ITPR2: variants seen among roughly 807,000 people sequenced by gnomAD.
ITPR2 encodes inositol 1,4,5-trisphosphate receptor type 2.
Under a neutral mutation model 317.1 loss-of-function variants are expected in ITPR2, and 207 were observed. That is an observed-to-expected ratio of 0.65 (90% CI 0.58 to 0.73). The LOEUF (loss-of-function observed/expected upper bound fraction) is 0.73, where lower values mean the gene tolerates loss of function less well. Ranked by LOEUF, ITPR2 falls within the 30% of genes least tolerant of loss-of-function variation. The pLI is 0.00. For missense variants in ITPR2, 2,613 were observed against 3,284.0 expected (o/e 0.80, Z 4.99); for synonymous variants, 1,156 against 1,149.1 (o/e 1.01, Z -0.12).
Position 26,587,283 on chromosome 12 carries a change from AT to A in ITPR2, c.4381-7129del, listed in dbSNP as rs1945552908. Among the ~76,000 whole-genome samples, 4 of 2,224 alleles carry A rather than the reference AT, an allele frequency of 1.8e-3. No homozygotes were observed. The Non-Finnish European group carries it at 0.18, about 101-fold the overall frequency. 1.5% of individuals were successfully genotyped at this position (2,224 alleles called of 152,430 possible). A position where few individuals can be genotyped will look rare whatever the true frequency, so the allele number is the denominator to read the frequency against. On this transcript the variant is annotated intron_variant, in intron 32 of 56. Coordinates refer to ENST00000381340, the MANE Select transcript of ITPR2 (RefSeq NM_002223.4). ...TGTTCCTACTGAAATACAAATAAAT[AT>A]ATATATATATATATATGTAAATGTC... is the stretch of plus-strand genomic sequence containing the variant.
intron 2 of ITPR2, among the ~76,000 whole-genome samples, chr12:26,784,549 G>T (rs1950174565): frequency 6.6e-6 from 1 of 151,274 alleles, no homozygotes; most frequent in East Asian, 2.0e-4. Flanking sequence ...TTGCTGTGTT[G>T]GCCGGGCTGG....
intron 43 of ITPR2, among the ~76,000 whole-genome samples, chr12:26,479,144 G>A (rs375759504): frequency 5.0e-4 from 71 of 140,786 alleles, no homozygotes; most frequent in African/African-American, 6.0e-4. Flanking sequence ...CATTCACTAA[G>A]AAAAAAAAAA....
intron 41 of ITPR2, among the ~76,000 whole-genome samples, chr12:26,485,393 A>G (rs932493107): frequency 1.3e-5 from 2 of 152,216 alleles, no homozygotes; most frequent in Non-Finnish European, 2.9e-5. Flanking sequence ...CACCCTATAC[A>G]TCTATTTCCT....
At chr12:26,413,196 A>G (rs1363920915) in intron 51 of ITPR2, among the ~76,000 whole-genome samples, 1 of 152,218 alleles carries the variant, frequency 6.6e-6, no homozygotes, top group Non-Finnish European at 1.5e-5. Context: ...TACTTCATCT[A>G]TCAACCCAGA....
rs1555183863 is a variant in ITPR2 at position 26,733,325 on chromosome 12, AAAAAG to A, written c.164-7565_164-7561del. 1.1e-3 allele frequency among the ~76,000 whole-genome samples: 115 copies of A among 108,554 alleles called. 2 individuals carry two copies. The highest frequency in any genetic ancestry group is 4.2e-3 in the Middle Eastern group (1 of 238). 71.2% of individuals were successfully genotyped at this position (108,554 alleles called of 152,430 possible). A position where few individuals can be genotyped will look rare whatever the true frequency, so the allele number is the denominator to read the frequency against. ...CAAGACTCCATCTCAAAAAAAAAAA[AAAAAG>A]AAAAGAAAAGAAAAGAAAAAAGAAA... is the stretch of plus-strand genomic sequence containing the variant. On this transcript the variant is annotated intron_variant, in intron 2 of 56. Coordinates refer to ENST00000381340, the MANE Select transcript of ITPR2 (RefSeq NM_002223.4).
chr12:26,654,144 A>AAG lies in ITPR2; in HGVS notation c.2590-19_2590-18insCT. On this transcript the variant is annotated intron_variant, in intron 20 of 56. Transcript: ENST00000381340. Reference sequence around the variant, plus strand: ...TGGACCACCTTAATAAAAAAAAAAAAGCGGGGAGGGGGAGGGTGAAAGAGT... The same window carrying AAG: ...TGGACCACCTTAATAAAAAAAAAAAAAGGCGGGGAGGGGGAGGGTGAAAGAGT... The AAG allele has an allele frequency of 8.3e-7, 1 of 1,204,824 alleles. No homozygotes were observed. The highest frequency in any genetic ancestry group is 1.1e-6 in the Non-Finnish European group (1 of 887,054). The allele number at this position is 1,204,824 out of a possible 1,614,324, so 74.6% of individuals were successfully genotyped here. A position where few individuals can be genotyped will look rare whatever the true frequency, so the allele number is the denominator to read the frequency against.
chr12:26,638,737 T>C (rs1946915751), intron 21 of ITPR2, among the ~76,000 whole-genome samples: 2 of 152,102 alleles, frequency 1.3e-5, no homozygotes, highest in Admixed American at 6.5e-5. Context: ...AAAGATAACA[T>C]GAAACAAGGG....
chr12:26,385,928 C>G (rs545568136), intron 55 of ITPR2, among the ~76,000 whole-genome samples: 73 of 152,154 alleles, frequency 4.8e-4, no homozygotes, highest in African/African-American at 1.7e-3. Context: ...GTTATTCCCC[C>G]CTTCCTCTTA....
chr12:26,366,893 C>T (rs185688748), intron 55 of ITPR2, among the ~76,000 whole-genome samples: 18 of 152,236 alleles, frequency 1.2e-4, no homozygotes, highest in Non-Finnish European at 2.4e-4. Flanking sequence ...GAGCTGATTA[C>T]TTGGTCCTAC....
chr12:26,348,779 G>A (rs1406695504), intron 55 of ITPR2, among the ~76,000 whole-genome samples: 1 of 146,966 alleles, frequency 6.8e-6, no homozygotes. Flanking sequence ...CTTGAGCCTG[G>A]GAGTTTGAGA....
intron 45 of ITPR2, among the ~76,000 whole-genome samples, chr12:26,473,785 T>A (rs1389208796): frequency 6.6e-6 from 1 of 152,180 alleles, no homozygotes. Context: ...TCACTTTGTG[T>A]CACATGGCTT....
At chr12:26,476,403 C>T (rs1187404436) in intron 44 of ITPR2, among the ~76,000 whole-genome samples, 2 of 152,178 alleles carry the variant, frequency 1.3e-5, no homozygotes, top group African/African-American at 2.4e-5. Context: ...ATAACTTCTA[C>T]AATAGGAAGA....
intron 4 of ITPR2, among the ~76,000 whole-genome samples, chr12:26,722,784 G>GA (rs557824126): frequency 9.9e-4 from 148 of 149,278 alleles, no homozygotes; most frequent in South Asian, 4.5e-3. Flanking sequence ...GCATAATAGG[G>GA]AAAAAAAAAC....
At chr12:26,829,942 C>G (rs771324587) in intron 1 of ITPR2, among the ~76,000 whole-genome samples, 2 of 152,160 alleles carry the variant, frequency 1.3e-5, no homozygotes, top group Non-Finnish European at 2.9e-5. Flanking sequence ...CTCGCTCTGT[C>G]CCCCAGGCTG....
intron 39 of ITPR2, among the ~76,000 whole-genome samples, chr12:26,489,103 C>A (rs1190841940): frequency 6.6e-6 from 1 of 152,090 alleles, no homozygotes; most frequent in Non-Finnish European, 1.5e-5. Flanking sequence ...CAATGCTGAA[C>A]AACACGATTT....
intron 33 of ITPR2, 135 bp from the exon 34 acceptor site, chr12:26,578,968 AAT>A: frequency 1.3e-6 from 1 of 797,388 alleles, no homozygotes; most frequent in South Asian, 2.6e-5. Flanking sequence ...CTAGTTAATA[AAT>A]ATCTCATTCA....
At chr12:26,589,853 T>TATACAC (rs780511857) in intron 32 of ITPR2, among the ~76,000 whole-genome samples, 895 of 57,332 alleles carry the variant, frequency 0.016, 30 homozygotes, top group East Asian at 0.059. Flanking sequence ...TATATATATA[T>TATACAC]ACACACACAC....
chr12:26,590,635 G>C (rs1945674646), intron 32 of ITPR2, among the ~76,000 whole-genome samples: 1 of 152,134 alleles, frequency 6.6e-6, no homozygotes, highest in African/African-American at 2.4e-5. Flanking sequence ...ATGGATTAAA[G>C]ACTTAAATCT....
rs1052026737 is a variant in ITPR2 at position 26,831,213 on chromosome 12, G to A, written c.92+1477C>T. Reference sequence around the variant, plus strand: ...CATGATTCACAAACCCAGCAGAAGCGCTTGGCACTAACGTGTTTTTCCTAC... The same window carrying A: ...CATGATTCACAAACCCAGCAGAAGCACTTGGCACTAACGTGTTTTTCCTAC... On this transcript the variant is annotated intron_variant, in intron 1 of 56. Coordinates refer to ENST00000381340, the MANE Select transcript of ITPR2 (RefSeq NM_002223.4). The surrounding 1 kb of genome is among the most constrained non-coding windows in gnomAD (Gnocchi z 4.9). Among the ~76,000 whole-genome samples the A allele has an allele frequency of 2.6e-5, 4 of 152,174 alleles. No homozygotes were observed. Among genetic ancestry groups the A allele is most frequent in the Admixed American group, 6.5e-5 (1 of 15,282 alleles).
Sources: gnomAD v4.1 joint callset for allele counts (sites outside exome capture counted in the v4.1 genomes callset) on GRCh38, gnomAD v4.1.1 for gene constraint, Gnocchi (gnomAD v3.1) non-coding constraint, MANE v1.5 for transcripts, NCBI Gene and HGNC (gene_info 2026-07-23, HGNC 2026-07-21) for gene names.